Variants in USP47 observed in about 807,000 individuals in gnomAD.
USP47 encodes ubiquitin specific peptidase 47, also known as ubiquitin carboxyl-terminal hydrolase 47.
In USP47, 35 loss-of-function variants were observed where a neutral mutation model predicts 165.1. The observed-to-expected ratio is 0.21, with a 90% CI of 0.16 to 0.28. The LOEUF is 0.28. Among genes scored for constraint, USP47 ranks in the 10% least tolerant of loss-of-function variants. The pLI, the probability that USP47 is intolerant of heterozygous loss-of-function variation, is 1.00. For synonymous variants in USP47, 531 were observed against 544.5 expected, an observed-to-expected ratio of 0.98 and a Z score of 0.35; for missense variants, 1,277 against 1,607.4, an observed-to-expected ratio of 0.79 and a Z score of 3.52.
In USP47 at chr11:11,849,142, A is replaced by G. The variant is rs1209308372; in HGVS notation, c.39+6918A>G. 9.9e-5 allele frequency among the ~76,000 whole-genome samples: 15 copies of G among 151,516 alleles called. No homozygotes were observed. The South Asian group carries it at 2.3e-3, about 23-fold the overall frequency. ...GGTCTTGAACTCCTGGGCTTAAGCA[A>G]TCCTCCTGCCTCAGCCTCCCAAAGT... On this transcript the variant is annotated intron_variant, in intron 1 of 27. Coordinates refer to ENST00000527733, the MANE Select transcript of USP47 (RefSeq NM_001282659.2).
chr11:11,939,200 G>T (rs1313380751), intron 18 of USP47, among the ~76,000 whole-genome samples: 1 of 151,964 alleles, frequency 6.6e-6, no homozygotes, highest in Non-Finnish European at 1.5e-5. Context: ...CCTGTACTCT[G>T]CAGAACCCTG....
At chr11:11,885,251 G>A (rs925275729) in intron 3 of USP47, among the ~76,000 whole-genome samples, 1 of 152,086 alleles carries the variant, frequency 6.6e-6, no homozygotes, top group African/African-American at 2.4e-5. Context: ...CAAGATGGCC[G>A]ATTAGAAATA....
chr11:11,954,980 C>T (rs1429382722), intron 26 of USP47, 36 bp downstream of exon 26: 2 of 1,613,556 alleles, frequency 1.2e-6, no homozygotes, highest in South Asian at 2.2e-5. Context: ...GTGTATTGTG[C>T]ATGATAAACA....
At chr11:11,933,365 C>G (rs1487257357) in intron 15 of USP47, among the ~76,000 whole-genome samples, 1 of 151,914 alleles carries the variant, frequency 6.6e-6, no homozygotes, top group Non-Finnish European at 1.5e-5. Flanking sequence ...TCTTATCCTA[C>G]TAAAAGAAAA....
Position 11,922,886 on chromosome 11 carries a change from G to GA in USP47, c.1385dup (p.Asn463GlufsTer6). 1 of 1,608,936 alleles carries GA rather than the reference G, an allele frequency of 6.2e-7. No homozygotes were observed. Among genetic ancestry groups the GA allele is most frequent in the South Asian group, 1.1e-5 (1 of 90,524 alleles). On this transcript the variant is annotated frameshift_variant, in exon 11 of 28. Transcript: ENST00000527733. LOFTEE classifies it high-confidence loss of function. ...TGAAAAGATCTCAAAATCTGGACTT[G>GA]AAAAGGTACCTTTTATAGTTTGCAT...
chr11:11,883,183 A>G (rs1850940676), intron 2 of USP47, among the ~76,000 whole-genome samples: 1 of 152,122 alleles, frequency 6.6e-6, no homozygotes, highest in South Asian at 2.1e-4. Flanking sequence ...TCTTCCCTCC[A>G]TGTGGCTGCT....
intron 19 of USP47, among the ~76,000 whole-genome samples, chr11:11,941,572 C>G (rs10831709): frequency 0.24 from 36,362 of 151,960 alleles, 5,261 homozygotes; most frequent in Non-Finnish European, 0.32. Context: ...ACATCCCCAT[C>G]TCTCAGCTTC....
rs143794608 is a variant in USP47 at position 11,925,185 on chromosome 11, G to A, written c.1386+2294G>A. 5.1e-3 allele frequency among the ~76,000 whole-genome samples: 764 copies of A among 150,498 alleles called. 1 individual carries two copies. Among genetic ancestry groups the A allele is most frequent in the Non-Finnish European group, 8.0e-3 (538 of 67,668 alleles). ...TGAAGTGGTGTGATCTCGGCTCACT[G>A]CAAGTTCCACCTCCCAAGTTCACGC... On this transcript the variant is annotated intron_variant, in intron 11 of 27. Coordinates refer to ENST00000527733, the MANE Select transcript of USP47 (RefSeq NM_001282659.2).
rs1229057029 is a variant in USP47 at position 11,959,313 on chromosome 11, T to G, written c.*3138T>G. 3 of 152,238 alleles carry G rather than the reference T, an allele frequency of 2.0e-5. No individual in the cohort carries two copies. The highest frequency in any genetic ancestry group is 7.2e-5 in the African/African-American group (3 of 41,462). The allele number at this position is 152,238 out of a possible 1,614,324, so 9.4% of individuals were successfully genotyped here. On this transcript the variant is annotated 3_prime_UTR_variant, in exon 28 of 28. Transcript: ENST00000527733. ...AAGTTTTTTGTTTGCTGAATAAAAC[T>G]ATTCCATCTTAACAATTCTGTGTAA...
intron 1 of USP47, among the ~76,000 whole-genome samples, chr11:11,869,236 T>C (rs988179155): frequency 2.0e-5 from 3 of 152,206 alleles, no homozygotes; most frequent in African/African-American, 4.8e-5. Flanking sequence ...CTAAAGGTTT[T>C]ATAGTTTTAT....
intron 1 of USP47, among the ~76,000 whole-genome samples, chr11:11,857,612 A>T (rs1158118014): frequency 6.6e-6 from 1 of 152,200 alleles, no homozygotes; most frequent in African/African-American, 2.4e-5. Context: ...GTCTGGACTC[A>T]GGAGCTTAAG....
At chr11:11,894,770 C>G (rs770895291) in intron 4 of USP47, among the ~76,000 whole-genome samples, 7 of 152,102 alleles carry the variant, frequency 4.6e-5, no homozygotes, top group Non-Finnish European at 8.8e-5. Flanking sequence ...CTAAGACATG[C>G]TTTTTTAAAA....
rs1421412819 is a variant in USP47, at chr11:11,958,932, C to G, written c.*2757C>G. The stretch of plus-strand genomic sequence containing the variant: ...TGGGAAGATGCGATGAACTCATGTC[C>G]CAGTCAGAAAATAATCCAATGAAAT... On this transcript the variant is annotated 3_prime_UTR_variant, in exon 28 of 28. Transcript: ENST00000527733. 6.6e-6 allele frequency: 1 copy of G among 152,096 alleles called. No homozygotes were observed. Among genetic ancestry groups the G allele is most frequent in the East Asian group, 1.9e-4 (1 of 5,200 alleles). 9.4% of individuals were successfully genotyped at this position (152,096 alleles called of 1,614,324 possible).
chr11:11,916,128 A>C (rs1401560270), intron 8 of USP47, among the ~76,000 whole-genome samples: 1 of 152,188 alleles, frequency 6.6e-6, no homozygotes, highest in East Asian at 1.9e-4. Context: ...TTTATATTCT[A>C]TCCTGAATTC....
intron 1 of USP47, among the ~76,000 whole-genome samples, chr11:11,877,555 TA>T (rs1850517225): frequency 6.6e-6 from 1 of 152,178 alleles, no homozygotes; most frequent in South Asian, 2.1e-4. Flanking sequence ...GAATTATTTG[TA>T]AAAGTATAAT....
In USP47 at chr11:11,848,607, A is replaced by AT. The variant is rs35165430; in HGVS notation, c.39+6403dup. Among the ~76,000 whole-genome samples the AT allele has an allele frequency of 6.5e-3, 736 of 113,454 alleles. 10 individuals are homozygous for AT. The highest frequency in any genetic ancestry group is 0.013 in the East Asian group (54 of 4,184). The allele number at this position is 113,454 out of a possible 152,430, so 74.4% of individuals were successfully genotyped here. A position where few individuals can be genotyped will look rare whatever the true frequency, so the allele number is the denominator to read the frequency against. On this transcript the variant is annotated intron_variant, in intron 1 of 27. Transcript: ENST00000527733. Reference sequence around the variant, plus strand: ...ACTTACTTCCATATTTGAAACTGGCATTTTTTTTTTTTTTTTTTTTGAGAC... The same window carrying AT: ...ACTTACTTCCATATTTGAAACTGGCATTTTTTTTTTTTTTTTTTTTTGAGAC...
At chr11:11,843,926 G>A (rs998431670) in intron 1 of USP47, among the ~76,000 whole-genome samples, 1 of 152,046 alleles carries the variant, frequency 6.6e-6, no homozygotes, top group Non-Finnish European at 1.5e-5. Flanking sequence ...TGGACCATAT[G>A]CCTTTATTGT....
chr11:11,931,632 G>A (rs1468841055), intron 14 of USP47, among the ~76,000 whole-genome samples: 1 of 152,050 alleles, frequency 6.6e-6, no homozygotes, highest in East Asian at 1.9e-4. Context: ...CCCAACTCTA[G>A]TTTTGTTATA....
chr11:11,909,899 A>G (rs1425979510), intron 8 of USP47, among the ~76,000 whole-genome samples: 3 of 152,234 alleles, frequency 2.0e-5, no homozygotes, highest in African/African-American at 7.2e-5. Context: ...AGTTTATATT[A>G]TAAGTCTTAC....
Sources: gnomAD v4.1 joint callset for allele counts (sites outside exome capture counted in the v4.1 genomes callset) on GRCh38, gnomAD v4.1.1 for gene constraint, MANE v1.5 for transcripts, NCBI Gene and HGNC (gene_info 2026-07-23, HGNC 2026-07-21) for gene names.